Variants in ERBIN observed in about 807,000 individuals in gnomAD.
The protein encoded by ERBIN is densin-180-like protein.
In ERBIN, 60 loss-of-function variants were observed where a neutral mutation model predicts 158.4. The ratio of observed to expected loss-of-function variants is 0.38; its 90% CI spans 0.31 to 0.47. ERBIN has a LOEUF of 0.47. Among genes scored for constraint, ERBIN ranks in the 20% least tolerant of loss-of-function variants. The pLI is 0.99. For synonymous variants in ERBIN, 594 were observed against 557.2 expected (o/e 1.07, Z -0.93); for missense variants, 1,610 against 1,648.0 (o/e 0.98, Z 0.40).
At position 65,937,067 on chromosome 5, in the gene ERBIN, A is replaced by G. The variant is rs1054084858; in HGVS notation, c.-58+10261A>G. On this transcript the variant is annotated intron_variant, in intron 1 of 25. Transcript: ENST00000284037. The stretch of plus-strand genomic sequence containing the variant: ...GATTTAAATCCACGACTTACTAATT[A>G]TGACATTGAAAAATTAAATGTCAAT... Among the ~76,000 whole-genome samples, 14 of 152,242 alleles carry G rather than the reference A, an allele frequency of 9.2e-5. 1 individual carries two copies. The highest frequency in any genetic ancestry group is 3.4e-4 in the African/African-American group (14 of 41,466).
At chr5:65,967,005 G>A (rs1192391781) in intron 1 of ERBIN, among the ~76,000 whole-genome samples, 7 of 152,212 alleles carry the variant, frequency 4.6e-5, no homozygotes, top group South Asian at 2.1e-4. Flanking sequence ...GCCTGGTAGT[G>A]TATGCCTGGT....
At chr5:66,034,115 CAAA>C (rs34390168) in intron 14 of ERBIN, among the ~76,000 whole-genome samples, 3 of 133,040 alleles carry the variant, frequency 2.3e-5, no homozygotes, top group Non-Finnish European at 3.2e-5. Context: ...GACTTTGTCT[CAAA>C]AAAAAAAAAA....
chr5:66,023,230 G>GA, intron 8 of ERBIN, 60 bp from the exon 9 acceptor site: 2 of 1,246,542 alleles, frequency 1.6e-6, no homozygotes, highest in Non-Finnish European at 2.3e-6. Flanking sequence ...TCTTTTGCCA[G>GA]ATAAAGACAT....
chr5:65,942,461 T>G (rs1288578224), intron 1 of ERBIN, among the ~76,000 whole-genome samples: 1 of 152,238 alleles, frequency 6.6e-6, no homozygotes, highest in Non-Finnish European at 1.5e-5. Context: ...TTTTCCATCT[T>G]CTCTTTGGCG....
At chr5:65,967,378 A>G (rs953895146) in intron 1 of ERBIN, among the ~76,000 whole-genome samples, 1 of 152,134 alleles carries the variant, frequency 6.6e-6, no homozygotes, top group Non-Finnish European at 1.5e-5. Context: ...AGCTCTATTT[A>G]TAATAGGTGT....
intron 14 of ERBIN, among the ~76,000 whole-genome samples, chr5:66,031,039 T>C (rs1466503866): frequency 1.3e-5 from 2 of 152,206 alleles, no homozygotes; most frequent in East Asian, 3.8e-4. Context: ...TAGGAGTCTT[T>C]GTTCTTCAAA....
Position 66,076,890 on chromosome 5 carries a change from A to G in ERBIN, c.4072A>G (p.Arg1358Gly). The part of the protein sequence containing the change: ...RPDDDGIFVT[R>G]VQPEGPASKL... ...GTTGTTAAAGGGTATATTTGTAACA[A>G]GGGTACAACCTGAAGGACCAGCATC... The change falls in exon 25 of 26, where the codon AGG becomes GGG. Residue 1358 changes from arginine to glycine, a missense_variant. Arg to Gly is a moderately radical substitution (Grantham distance 125). This residue lies in a region of ERBIN where 1,014 missense variants were observed against 936.1 expected (regional missense o/e 1.08). Transcript: ENST00000284037. The G allele has an allele frequency of 6.2e-7, 1 of 1,608,354 alleles. No homozygotes were observed. The highest frequency in any genetic ancestry group is 8.5e-7 in the Non-Finnish European group (1 of 1,176,472).
intron 21 of ERBIN, among the ~76,000 whole-genome samples, chr5:66,057,708 G>A (rs1226369294): frequency 3.8e-5 from 3 of 78,838 alleles, no homozygotes; most frequent in East Asian, 3.5e-4. Context: ...CCCCTCCCCC[G>A]ACCCCACAAC....
At chr5:66,036,651 C>A (rs906885559) in intron 14 of ERBIN, among the ~76,000 whole-genome samples, 1 of 152,160 alleles carries the variant, frequency 6.6e-6, no homozygotes, top group East Asian at 1.9e-4. Flanking sequence ...CTCATAAACT[C>A]TACAGTAAAG....
chr5:66,045,636 G>C (rs1017184812), intron 17 of ERBIN, among the ~76,000 whole-genome samples: 4 of 152,082 alleles, frequency 2.6e-5, no homozygotes, highest in Admixed American at 2.6e-4. Flanking sequence ...TTAAGGTTTT[G>C]TTCTCAGCTA....
chr5:65,972,715 C>A (rs1749403784), intron 1 of ERBIN, among the ~76,000 whole-genome samples: 1 of 151,394 alleles, frequency 6.6e-6, no homozygotes, highest in African/African-American at 2.5e-5. Flanking sequence ...CTGAATGCTA[C>A]AAAAAGTGAA....
At chr5:66,016,916 G>A (rs187969955) in intron 7 of ERBIN, among the ~76,000 whole-genome samples, 3 of 151,948 alleles carry the variant, frequency 2.0e-5, no homozygotes, top group Admixed American at 1.3e-4. Flanking sequence ...CACCCGGCTT[G>A]GGATCTTTTT....
intron 1 of ERBIN, among the ~76,000 whole-genome samples, chr5:65,950,955 G>T (rs903778421): frequency 6.6e-6 from 1 of 152,114 alleles, no homozygotes; most frequent in African/African-American, 2.4e-5. Flanking sequence ...TTACACTTTT[G>T]AAATTCATTT....
intron 12 of ERBIN, 119 bp from the exon 13 acceptor site, chr5:66,026,183 G>C (rs1756230217): frequency 1.4e-6 from 1 of 713,614 alleles, no homozygotes; most frequent in Admixed American, 3.7e-5. Flanking sequence ...AGAAAGTCTA[G>C]TCATTATTTC....
At chr5:65,988,066 A>G (rs1227664733) in intron 1 of ERBIN, among the ~76,000 whole-genome samples, 1 of 152,186 alleles carries the variant, frequency 6.6e-6, no homozygotes, top group Non-Finnish European at 1.5e-5. Context: ...TATGAAGACT[A>G]TCCACTATAA....
chr5:65,988,138 A>C (rs1751466405), intron 1 of ERBIN, among the ~76,000 whole-genome samples: 1 of 152,094 alleles, frequency 6.6e-6, no homozygotes. Flanking sequence ...TGGGAGACTG[A>C]GGTGGGAGAA....
Position 65,931,811 on chromosome 5 carries a change from TTTTC to T in ERBIN, c.-58+5013_-58+5016del, listed in dbSNP as rs1229947081. Among the ~76,000 whole-genome samples, 262 of 146,874 alleles carry T rather than the reference TTTTC, an allele frequency of 1.8e-3. 2 individuals are homozygous for T. Among genetic ancestry groups the T allele is most frequent in the African/African-American group, 6.1e-3 (248 of 40,990 alleles). On this transcript the variant is annotated intron_variant, in intron 1 of 25. Transcript: ENST00000284037. Reference sequence around the variant, plus strand: ...GGAAAAGGGAGGAAGATTTTCTTTCTTTTCTTTCTTTTTTTTTTTTTTTTTGAGA... The same window carrying T: ...GGAAAAGGGAGGAAGATTTTCTTTCTTTTCTTTTTTTTTTTTTTTTTGAGA...
At chr5:65,959,174 A>G (rs928501390) in intron 1 of ERBIN, among the ~76,000 whole-genome samples, 3 of 152,146 alleles carry the variant, frequency 2.0e-5, no homozygotes, top group African/African-American at 7.2e-5. Context: ...GCTAGCTAAC[A>G]CGTGGTGTTA....
At chr5:65,989,644 C>T (rs1286963649) in intron 2 of ERBIN, among the ~76,000 whole-genome samples, 2 of 152,152 alleles carry the variant, frequency 1.3e-5, no homozygotes, top group Non-Finnish European at 2.9e-5. Flanking sequence ...TATAAATTGT[C>T]TTATATCTCA....
Sources: allele counts gnomAD v4.1 joint callset (sites outside exome capture counted in the v4.1 genomes callset), GRCh38; gene constraint gnomAD v4.1.1; regional missense constraint gnomAD v4.1.1; transcripts MANE v1.5; gene names NCBI Gene and HGNC (gene_info 2026-07-23, HGNC 2026-07-21).